AJAP1: variants seen among roughly 807,000 people sequenced by gnomAD.
AJAP1 encodes adherens junctions associated protein 1, also known as adherens junction-associated protein 1.
A neutral mutation model predicts 35.0 loss-of-function variants in AJAP1; 5 were observed. That is an observed-to-expected ratio of 0.14 (90% CI 0.07 to 0.30). AJAP1 has a LOEUF of 0.30. AJAP1 is among the 10% of genes least tolerant of loss of function. AJAP1 has a pLI of 1.00. For synonymous variants in AJAP1, 284 were observed against 249.3 expected, an observed-to-expected ratio of 1.14 and a Z score of -1.31; for missense variants, 586 against 571.0, an observed-to-expected ratio of 1.03 and a Z score of -0.27.
At position 4,712,725 on chromosome 1, in the gene AJAP1, G is replaced by T. The variant is rs749752350; in HGVS notation, c.829+26G>T. On this transcript the variant is annotated intron_variant, in intron 2 of 5. Transcript: ENST00000378191. ...GTACAGCCATCTCTCTTCTGGTTTG[G>T]GTTTGCTTGGGGTTGAGGGCTGGGA... is the stretch of plus-strand genomic sequence containing the variant. 3 of 1,498,912 alleles carry T rather than the reference G, an allele frequency of 2.0e-6. No homozygotes were observed. The Admixed American group carries it at 6.9e-5, about 34-fold the overall frequency. 92.9% of individuals were successfully genotyped at this position (1,498,912 alleles called of 1,614,324 possible). A position where few individuals can be genotyped will look rare whatever the true frequency, so the allele number is the denominator to read the frequency against.
In AJAP1 at chr1:4,732,523, C is replaced by T. The variant is rs115527755; in HGVS notation, c.829+19824C>T. ...CCCTCAGTTCTCTGAGCCCCAGAGG[C>T]CCAACTTGGGCTCCTTCGGGGGCCC... On this transcript the variant is annotated intron_variant, in intron 2 of 5. Coordinates refer to ENST00000378191, the MANE Select transcript of AJAP1 (RefSeq NM_018836.4). Among the ~76,000 whole-genome samples, 815 of 152,400 alleles carry T rather than the reference C, an allele frequency of 5.3e-3. 8 individuals carry two copies. Among genetic ancestry groups the T allele is most frequent in the African/African-American group, 0.017 (724 of 41,606 alleles).
In AJAP1 at chr1:4,720,003, C is replaced by T. The variant is rs929530949; in HGVS notation, c.829+7304C>T. ...CTTCTCCTGGTGGAACCCTCTGCCC[C>T]ACCTCTGCCCAGGAGTGGCCTGCAT... On this transcript the variant is annotated intron_variant, in intron 2 of 5. Transcript: ENST00000378191. The surrounding 1 kb of genome is among the most constrained non-coding windows in gnomAD (Gnocchi z 4.4). Among the ~76,000 whole-genome samples, 1 of 152,124 alleles carries T rather than the reference C, an allele frequency of 6.6e-6. No homozygotes were observed. The highest frequency in any genetic ancestry group is 6.5e-5 in the Admixed American group (1 of 15,280).
chr1:4,772,650 G>A, intron 4 of AJAP1, 125 bp downstream of exon 4: 1 of 1,399,508 alleles, frequency 7.1e-7, no homozygotes. Context: ...CGCTTTGAGG[G>A]GCCCAGCCAA....
intron 3 of AJAP1, among the ~76,000 whole-genome samples, chr1:4,770,472 G>C (rs1641810411): frequency 6.6e-6 from 1 of 152,108 alleles, no homozygotes; most frequent in Non-Finnish European, 1.5e-5. Flanking sequence ...CTAGAAATTG[G>C]CCTACTTTGA....
chr1:4,782,275 C>T lies in AJAP1; in HGVS notation c.*60-270C>T, dbSNP rs953169995. On this transcript the variant is annotated intron_variant, in intron 5 of 5. Coordinates refer to ENST00000378191, the MANE Select transcript of AJAP1 (RefSeq NM_018836.4). This position sits in a 1 kb window ranked among gnomAD's most constrained non-coding sequence, Gnocchi z 5.3. ...AGCCCCTGGTAGCAAGCTCAGAGCTCTGTAGATGACCAGAATTCCACAAGG... is the reference window on the plus strand; with the variant it reads ...AGCCCCTGGTAGCAAGCTCAGAGCTTTGTAGATGACCAGAATTCCACAAGG... 6.6e-6 allele frequency among the ~76,000 whole-genome samples: 1 copy of T among 152,146 alleles called. No homozygotes were observed. Among genetic ancestry groups the T allele is most frequent in the African/African-American group, 2.4e-5 (1 of 41,430 alleles).
At chr1:4,744,103 C>T (rs768338516) in intron 2 of AJAP1, among the ~76,000 whole-genome samples, 37 of 137,428 alleles carry the variant, frequency 2.7e-4, no homozygotes, top group African/African-American at 8.1e-4. Flanking sequence ...GTAGATCAAA[C>T]GGGCCTTTGA....
Position 4,786,958 on chromosome 1 carries a change from C to T in AJAP1, c.*4473C>T, listed in dbSNP as rs141389196. 1,302 of 152,462 alleles carry T rather than the reference C, an allele frequency of 8.5e-3. 9 individuals are homozygous for T. The highest frequency in any genetic ancestry group is 0.012 in the Non-Finnish European group (825 of 68,126). 9.4% of individuals were successfully genotyped at this position (152,462 alleles called of 1,614,324 possible). ...GTCTTCTCCCCTACCCCTGCCCCTTCCACAAAGCCATTTCTCAAGTCGCAG... is the reference window on the plus strand; with the variant it reads ...GTCTTCTCCCCTACCCCTGCCCCTTTCACAAAGCCATTTCTCAAGTCGCAG... On this transcript the variant is annotated 3_prime_UTR_variant, in exon 6 of 6. Transcript: ENST00000378191.
intron 2 of AJAP1, among the ~76,000 whole-genome samples, chr1:4,741,445 C>T (rs560540042): frequency 5.9e-5 from 9 of 152,332 alleles, no homozygotes; most frequent in South Asian, 2.1e-4. Context: ...TCTTTCCCTA[C>T]GGCCCTGTGT....
intron 1 of AJAP1, among the ~76,000 whole-genome samples, chr1:4,686,824 G>C (rs1639617756): frequency 6.6e-6 from 1 of 152,202 alleles, no homozygotes; most frequent in Admixed American, 6.5e-5. Context: ...AAAGCTGCAT[G>C]CCCTCCAGTC....
chr1:4,706,409 A>G (rs2100255032), intron 1 of AJAP1, among the ~76,000 whole-genome samples: 1 of 152,328 alleles, frequency 6.6e-6, no homozygotes, highest in East Asian at 1.9e-4. Flanking sequence ...GTGGGAAGCT[A>G]CAAGCCCATG....
At chr1:4,703,647 A>G (rs1640036551) in intron 1 of AJAP1, among the ~76,000 whole-genome samples, 1 of 152,108 alleles carries the variant, frequency 6.6e-6, no homozygotes, top group African/African-American at 2.4e-5. Context: ...AGCGAGCGGG[A>G]GGTTAGGATG....
intron 1 of AJAP1, among the ~76,000 whole-genome samples, chr1:4,662,110 A>G (rs926509765): frequency 4.9e-4 from 74 of 152,068 alleles, no homozygotes; most frequent in African/African-American, 1.6e-3. Context: ...TTTACATGCA[A>G]TGAAATGTAT....
intron 2 of AJAP1, among the ~76,000 whole-genome samples, chr1:4,731,901 G>A (rs143447832): frequency 1.4e-4 from 21 of 152,308 alleles, no homozygotes; most frequent in East Asian, 1.4e-3. Flanking sequence ...GGGGCTGGGC[G>A]TCACCTGTAG....
At chr1:4,709,655 A>T (rs548971664) in intron 1 of AJAP1, among the ~76,000 whole-genome samples, 8 of 152,302 alleles carry the variant, frequency 5.3e-5, no homozygotes, top group African/African-American at 1.9e-4. Flanking sequence ...TAGTGTGTAT[A>T]TGGGGGAATT....
chr1:4,717,245 C>A (rs1414203166), intron 2 of AJAP1, among the ~76,000 whole-genome samples: 1 of 152,172 alleles, frequency 6.6e-6, no homozygotes, highest in Non-Finnish European at 1.5e-5. Flanking sequence ...TGTGGGAATA[C>A]CTGGGGCAGG....
chr1:4,658,651 G>A (rs553285700), intron 1 of AJAP1, among the ~76,000 whole-genome samples: 9 of 152,346 alleles, frequency 5.9e-5, no homozygotes, highest in African/African-American at 2.2e-4. Context: ...GGGCAACATC[G>A]GTACATACCC....
At position 4,769,955 on chromosome 1, in the gene AJAP1, G is replaced by A. The variant is rs746618145; in HGVS notation, c.917+15G>A. ...TTAAAAAATTGGTAAGGCTCCTTGG[G>A]CCCTTCTGGCCCAGAAATGGGGGAC... On this transcript the variant is annotated intron_variant, in intron 3 of 5. Transcript: ENST00000378191. The A allele has an allele frequency of 3.7e-6, 6 of 1,602,152 alleles. No homozygotes were observed. In the South Asian group the frequency reaches 4.4e-5, roughly 12 times the overall value.
chr1:4,758,538 A>G (rs925146974), intron 2 of AJAP1, among the ~76,000 whole-genome samples: 2 of 152,070 alleles, frequency 1.3e-5, no homozygotes, highest in Non-Finnish European at 2.9e-5. Flanking sequence ...TTATAAAACC[A>G]TCAGGTCTCG....
At chr1:4,729,467 A>T (rs1344259164) in intron 2 of AJAP1, among the ~76,000 whole-genome samples, 1 of 149,028 alleles carries the variant, frequency 6.7e-6, no homozygotes, top group Non-Finnish European at 1.5e-5. Flanking sequence ...TGACCTCGAG[A>T]CTCACGGGGT....
Sources: gnomAD v4.1 joint callset for allele counts (sites outside exome capture counted in the v4.1 genomes callset) on GRCh38, gnomAD v4.1.1 for gene constraint, Gnocchi (gnomAD v3.1) non-coding constraint, MANE v1.5 for transcripts, NCBI Gene and HGNC (gene_info 2026-07-23, HGNC 2026-07-21) for gene names.